Variants in MYCBP2 observed in about 807,000 individuals in gnomAD.
MYCBP2 encodes the protein MYC binding protein 2, also known as E3 ubiquitin-protein ligase MYCBP2.
A neutral mutation model predicts 525.3 loss-of-function variants in MYCBP2; 120 were observed. The observed-to-expected ratio is 0.23, with a 90% CI of 0.20 to 0.27. The LOEUF (loss-of-function observed/expected upper bound fraction) is 0.27. Among genes scored for constraint, MYCBP2 ranks in the 10% least tolerant of loss-of-function variants. The pLI is 1.00. For synonymous variants in MYCBP2, 1,894 were observed against 1,955.8 expected, an observed-to-expected ratio of 0.97 and a Z score of 0.83; for missense variants, 4,149 against 5,657.1, an observed-to-expected ratio of 0.73 and a Z score of 8.55.
chr13:77,060,220 T>C (rs2039018318), intron 76 of MYCBP2, among the ~76,000 whole-genome samples: 1 of 152,200 alleles, frequency 6.6e-6, no homozygotes, highest in Non-Finnish European at 1.5e-5. Context: ...CAAGCTGATT[T>C]TTAAACACAG....
chr13:77,048,427 T>C (rs2036040376), intron 82 of MYCBP2, among the ~76,000 whole-genome samples: 1 of 152,194 alleles, frequency 6.6e-6, no homozygotes, highest in Non-Finnish European at 1.5e-5. Context: ...ATATTAGAAT[T>C]AACAGGGTTG....
intron 14 of MYCBP2, 32 bp downstream of exon 14, chr13:77,257,639 C>T: frequency 6.6e-7 from 1 of 1,505,394 alleles, no homozygotes; most frequent in South Asian, 1.4e-5. Context: ...AAAGACAACA[C>T]AAATTTTAAT....
At chr13:77,095,733 A>G in intron 57 of MYCBP2, 131 bp from the exon 58 acceptor site, 2 of 1,140,526 alleles carry the variant, frequency 1.8e-6, no homozygotes, top group Non-Finnish European at 2.4e-6. Context: ...TAATAAGATT[A>G]TAAAAAACAA....
In MYCBP2 at chr13:77,153,064, CAAA is replaced by C. The variant is rs34811244; in HGVS notation, c.6916-2118_6916-2116del. 1.0e-3 allele frequency among the ~76,000 whole-genome samples: 81 copies of C among 78,894 alleles called. No homozygotes were observed. The South Asian group carries it at 0.011, about 11-fold the overall frequency. The allele number at this position is 78,894 out of a possible 152,430, so 51.8% of individuals were successfully genotyped here. On this transcript the variant is annotated intron_variant, in intron 46 of 82. Coordinates refer to ENST00000544440, the MANE Select transcript of MYCBP2 (RefSeq NM_015057.5). ...TGGGCGACAGAGCGAGACTCTGTCT[CAAA>C]AAAAAAAAAAAAAAAAAAAAATCTG...
At chr13:77,117,595 T>C (rs954512754) in intron 55 of MYCBP2, among the ~76,000 whole-genome samples, 1 of 152,032 alleles carries the variant, frequency 6.6e-6, no homozygotes, top group Admixed American at 6.6e-5. Context: ...ATCCGAAAAA[T>C]GGTATACAAG....
At chr13:77,318,798 CAT>C (rs2081260776) in intron 1 of MYCBP2, among the ~76,000 whole-genome samples, 1 of 152,150 alleles carries the variant, frequency 6.6e-6, no homozygotes, top group Admixed American at 6.5e-5. Context: ...GATAATATGA[CAT>C]GTGTGCCTGT....
At position 77,093,166 on chromosome 13, in the gene MYCBP2, T is replaced by C; in HGVS notation, c.10366A>G (p.Ser3456Gly). ...ACAGACAGGAGAGAACTAAAATACC[T>C]TGGTGGCATAGACTTCATATTGCTC... ...PESNMKSMPP[S>G]LETSPITDTD... The change falls in exon 59 of 83, where the codon AGT becomes GGT. Residue 3456 changes from serine (S) to glycine (G), a missense_variant and splice_region_variant. By Grantham distance (56) the Ser-to-Gly change is moderately conservative. Transcript: ENST00000544440. 1 of 1,607,030 alleles carries C rather than the reference T, an allele frequency of 6.2e-7. No homozygotes were observed. Among genetic ancestry groups the C allele is most frequent in the Non-Finnish European group, 8.5e-7 (1 of 1,177,284 alleles).
chr13:77,294,141 T>TAC (rs1555465897), intron 2 of MYCBP2, among the ~76,000 whole-genome samples: 3 of 130,898 alleles, frequency 2.3e-5, no homozygotes, highest in Admixed American at 7.8e-5. Flanking sequence ...CATATATATA[T>TAC]ACATATATAT....
chr13:77,257,869 G>T (rs748043822), intron 13 of MYCBP2, 40 bp from the exon 14 acceptor site: 2 of 1,523,682 alleles, frequency 1.3e-6, no homozygotes, highest in Non-Finnish European at 8.8e-7. Context: ...CAACAAAAAG[G>T]CCCTTCTGAG....
At chr13:77,201,817 C>A (rs932666051) in intron 26 of MYCBP2, among the ~76,000 whole-genome samples, 2 of 152,074 alleles carry the variant, frequency 1.3e-5, no homozygotes, top group Non-Finnish European at 2.9e-5. Context: ...GAAATGAAGG[C>A]AGAAATAAAG....
chr13:77,231,534 C>G (rs1010036074), intron 18 of MYCBP2, among the ~76,000 whole-genome samples: 1 of 152,226 alleles, frequency 6.6e-6, no homozygotes, highest in Non-Finnish European at 1.5e-5. Context: ...GCATGTGCCA[C>G]TGCGCCCAGC....
At chr13:77,131,499 CACACACACACACAAACAA>C (rs1279178904) in intron 52 of MYCBP2, among the ~76,000 whole-genome samples, 2 of 96,218 alleles carry the variant, frequency 2.1e-5, no homozygotes, top group Non-Finnish European at 4.8e-5. Context: ...CACACACACA[CACACACACACACAAACAA>C]ACACACACAC....
intron 50 of MYCBP2, among the ~76,000 whole-genome samples, chr13:77,140,401 T>C (rs1372289160): frequency 1.3e-5 from 2 of 152,214 alleles, no homozygotes; most frequent in Non-Finnish European, 2.9e-5. Flanking sequence ...ATATTTTAAC[T>C]CATTTCTAAA....
rs908264559 is a variant in MYCBP2, at chr13:77,122,185, T to A, written c.8018-690A>T. Among the ~76,000 whole-genome samples, 7 of 151,938 alleles carry A rather than the reference T, an allele frequency of 4.6e-5. 1 individual carries two copies. Among genetic ancestry groups the A allele is most frequent in the African/African-American group, 1.7e-4 (7 of 41,370 alleles). ...AACTAAATTAATCCCCTATGAACAATCAACTGGCTCCAAGACTCTGTCTGA... is the reference window on the plus strand; with the variant it reads ...AACTAAATTAATCCCCTATGAACAAACAACTGGCTCCAAGACTCTGTCTGA... On this transcript the variant is annotated intron_variant, in intron 54 of 82. Coordinates refer to ENST00000544440, the MANE Select transcript of MYCBP2 (RefSeq NM_015057.5).
chr13:77,283,218 G>C (rs1050276320), intron 3 of MYCBP2, among the ~76,000 whole-genome samples: 4 of 152,144 alleles, frequency 2.6e-5, no homozygotes, highest in Non-Finnish European at 5.9e-5. Flanking sequence ...TACTAATTAT[G>C]AGATAACATC....
intron 82 of MYCBP2, among the ~76,000 whole-genome samples, chr13:77,046,945 T>G (rs2035685947): frequency 6.6e-6 from 1 of 152,182 alleles, no homozygotes; most frequent in Non-Finnish European, 1.5e-5. Context: ...GGACACTCAA[T>G]GGCAGATCTA....
intron 1 of MYCBP2, among the ~76,000 whole-genome samples, chr13:77,320,391 G>A (rs1243762947): frequency 6.6e-6 from 1 of 152,160 alleles, no homozygotes; most frequent in East Asian, 1.9e-4. Flanking sequence ...TTATGCTGCT[G>A]GATTAGGAGA....
chr13:77,058,487 C>A lies in MYCBP2; in HGVS notation c.13141-81G>T. 1 of 1,241,320 alleles carries A rather than the reference C, an allele frequency of 8.1e-7. No individual in the cohort carries two copies. Among genetic ancestry groups the A allele is most frequent in the Non-Finnish European group, 1.1e-6 (1 of 925,874 alleles). The allele number at this position is 1,241,320 out of a possible 1,614,324, so 76.9% of individuals were successfully genotyped here. On this transcript the variant is annotated intron_variant, in intron 77 of 82. Coordinates refer to ENST00000544440, the MANE Select transcript of MYCBP2 (RefSeq NM_015057.5). This position sits in a 1 kb window ranked among gnomAD's most constrained non-coding sequence, Gnocchi z 4.1. The stretch of plus-strand genomic sequence containing the variant: ...TAATTTTCCTTATTATATAAATTTC[C>A]AAAGATTACTTTCCCACAGGAAGTA...
At position 77,045,296 on chromosome 13, in the gene MYCBP2, C is replaced by A; in HGVS notation, c.*82G>T. ...GATGTAAAAATGGTCCCGTCCTTAT[C>A]CTGAGCAGAGTTTAAACTTCACCGC... On this transcript the variant is annotated 3_prime_UTR_variant, in exon 83 of 83. Transcript: ENST00000544440. 2.2e-6 allele frequency: 2 copies of A among 907,780 alleles called. No individual in the cohort carries two copies. The highest frequency in any genetic ancestry group is 1.5e-5 in the South Asian group (1 of 66,964). 56.2% of individuals were successfully genotyped at this position (907,780 alleles called of 1,614,324 possible). A position where few individuals can be genotyped will look rare whatever the true frequency, so the allele number is the denominator to read the frequency against.
Sources: allele counts gnomAD v4.1 joint callset (sites outside exome capture counted in the v4.1 genomes callset), GRCh38; gene constraint gnomAD v4.1.1; non-coding constraint Gnocchi (gnomAD v3.1); transcripts MANE v1.5; gene names NCBI Gene and HGNC (gene_info 2026-07-23, HGNC 2026-07-21).